The following ELAPOR1 variants were observed in gnomAD, a reference collection of about 807,000 sequenced individuals.
ELAPOR1 encodes the protein endosome-lysosome associated apoptosis and autophagy regulator 1.
Under a neutral mutation model 119.7 loss-of-function variants are expected in ELAPOR1, and 77 were observed. That is an observed-to-expected ratio of 0.64 (90% confidence interval 0.54 to 0.78). The LOEUF (loss-of-function observed/expected upper bound fraction) is 0.78. Among genes scored for constraint, ELAPOR1 ranks in the 30% least tolerant of loss-of-function variants. ELAPOR1 has a pLI of 0.00. For missense variants in ELAPOR1, 1,115 were observed against 1,270.4 expected (o/e 0.88, Z 1.86); for synonymous variants, 481 against 487.2 (o/e 0.99, Z 0.17).
intron 1 of ELAPOR1, among the ~76,000 whole-genome samples, chr1:109,135,654 C>G (rs1208444943): frequency 6.6e-6 from 1 of 152,158 alleles, no homozygotes; most frequent in East Asian, 1.9e-4. Flanking sequence ...ATGGAAAGTA[C>G]AAGAGCTTTG....
chr1:109,190,784 C>T (rs547843382), intron 11 of ELAPOR1, among the ~76,000 whole-genome samples: 5 of 152,328 alleles, frequency 3.3e-5, no homozygotes, highest in African/African-American at 9.6e-5. Flanking sequence ...CTCTCTTTCC[C>T]AAAAGTAGGA....
intron 14 of ELAPOR1, 77 bp downstream of exon 14, chr1:109,192,951 G>C: frequency 6.6e-7 from 1 of 1,516,648 alleles, no homozygotes; most frequent in Non-Finnish European, 8.9e-7. Flanking sequence ...TCCTGGGTAG[G>C]GTTCTTGAGA....
intron 8 of ELAPOR1, chr1:109,187,875 G>T: frequency 3.7e-6 from 4 of 1,092,720 alleles, no homozygotes; most frequent in South Asian, 4.4e-5. Context: ...TTCTACAGTG[G>T]AATCGGAGCT....
At chr1:109,189,301 C>T (rs889406134) in intron 10 of ELAPOR1, 107 bp downstream of exon 10, 55 of 1,347,758 alleles carry the variant, frequency 4.1e-5, no homozygotes, top group Non-Finnish European at 5.1e-6. Flanking sequence ...ATAAGCTAAC[C>T]ATGTCATGCA....
At chr1:109,137,272 C>A (rs1182421169) in intron 1 of ELAPOR1, among the ~76,000 whole-genome samples, 1 of 151,642 alleles carries the variant, frequency 6.6e-6, no homozygotes, top group African/African-American at 2.4e-5. Flanking sequence ...GGTGTGATCT[C>A]GGCTCACTGC....
At chr1:109,137,094 G>A (rs1389241644) in intron 1 of ELAPOR1, among the ~76,000 whole-genome samples, 2 of 152,152 alleles carry the variant, frequency 1.3e-5, no homozygotes, top group African/African-American at 4.8e-5. Context: ...TAAGGGAGCA[G>A]GTATAATGCC....
At position 109,177,065 on chromosome 1, in the gene ELAPOR1, T is replaced by C. The variant is rs1261221791; in HGVS notation, c.952+3228T>C. Among the ~76,000 whole-genome samples, 3 of 144,976 alleles carry C rather than the reference T, an allele frequency of 2.1e-5. No homozygotes were observed. The East Asian group carries it at 6.0e-4, about 29-fold the overall frequency. On this transcript the variant is annotated intron_variant, in intron 7 of 21. Transcript: ENST00000369939. ...AATCTTTTCCCCACCTTTCCCCCCT[T>C]TCTATTCCACAAAACCGCCATTGTC...
At chr1:109,166,889 G>A (rs937276544) in intron 3 of ELAPOR1, among the ~76,000 whole-genome samples, 1 of 152,198 alleles carries the variant, frequency 6.6e-6, no homozygotes, top group African/African-American at 2.4e-5. Flanking sequence ...CTCAAGAATT[G>A]TATTACACTT....
intron 1 of ELAPOR1, among the ~76,000 whole-genome samples, chr1:109,129,233 G>A (rs1648985073): frequency 6.6e-6 from 1 of 152,150 alleles, no homozygotes; most frequent in South Asian, 2.1e-4. Context: ...CTTTGGCCTG[G>A]GAGCGGTGGC....
chr1:109,169,097 T>C (rs1369265064), intron 3 of ELAPOR1, among the ~76,000 whole-genome samples: 2 of 152,192 alleles, frequency 1.3e-5, no homozygotes, highest in Non-Finnish European at 2.9e-5. Flanking sequence ...GCTGTTAGGT[T>C]AGCTGGGATA....
intron 1 of ELAPOR1, among the ~76,000 whole-genome samples, chr1:109,121,549 C>A (rs1648420269): frequency 6.6e-6 from 1 of 152,166 alleles, no homozygotes; most frequent in Non-Finnish European, 1.5e-5. Context: ...CTCGTGGCCT[C>A]AAAGGATTCT....
At position 109,198,076 on chromosome 1, in the gene ELAPOR1, G is replaced by A. The variant is rs1196225977; in HGVS notation, c.2399+1G>A. ...TACCGGACGTGATCTTCTTTTATAGGTGAAGATGAGAGGCTAGGCTAATGC... is the reference window on the plus strand; with the variant it reads ...TACCGGACGTGATCTTCTTTTATAGATGAAGATGAGAGGCTAGGCTAATGC... On this transcript the variant is annotated splice_donor_variant, in intron 17 of 21. Coordinates refer to ENST00000369939, the MANE Select transcript of ELAPOR1 (RefSeq NM_020775.5). LOFTEE classifies it high-confidence loss of function. 1 of 1,607,882 alleles carries A rather than the reference G, an allele frequency of 6.2e-7. No homozygotes were observed. Among genetic ancestry groups the A allele is most frequent in the Non-Finnish European group, 8.5e-7 (1 of 1,174,356 alleles).
intron 1 of ELAPOR1, among the ~76,000 whole-genome samples, chr1:109,128,412 G>A (rs1421217084): frequency 6.6e-6 from 1 of 152,178 alleles, no homozygotes; most frequent in African/African-American, 2.4e-5. Flanking sequence ...TTTTGTGCTT[G>A]AAATCAATTA....
Position 109,198,083 on chromosome 1 carries a change from T to G in ELAPOR1, c.2399+8T>G. The G allele has an allele frequency of 1.2e-6, 2 of 1,607,712 alleles. No individual in the cohort carries two copies. Among genetic ancestry groups the G allele is most frequent in the Non-Finnish European group, 1.7e-6 (2 of 1,174,136 alleles). ...CGTGATCTTCTTTTATAGGTGAAGA[T>G]GAGAGGCTAGGCTAATGCAAGTGAA... is the stretch of plus-strand genomic sequence containing the variant. On this transcript the variant is annotated splice_region_variant and intron_variant, in intron 17 of 21. Coordinates refer to ENST00000369939, the MANE Select transcript of ELAPOR1 (RefSeq NM_020775.5).
At chr1:109,143,621 T>TA (rs1267768324) in intron 1 of ELAPOR1, among the ~76,000 whole-genome samples, 7 of 152,228 alleles carry the variant, frequency 4.6e-5, no homozygotes, top group Non-Finnish European at 1.5e-5. Flanking sequence ...ATACGATTTT[T>TA]ATCTCAATTT....
At position 109,197,615 on chromosome 1, in the gene ELAPOR1, G is replaced by A. The variant is rs570153924; in HGVS notation, c.2263G>A (p.Val755Ile). The A allele has an allele frequency of 1.2e-6, 2 of 1,614,184 alleles. No individual in the cohort carries two copies. Among genetic ancestry groups the A allele is most frequent in the East Asian group, 2.2e-5 (1 of 44,886 alleles). ...PPEVTGYKAG[V>I]SSQPVSLADR... ...AGAGGTGACAGGCTACAAGGCCGGG[G>A]TTTCCTCACAGCCTGTCAGCCTTGC... Residue 755 changes from valine to isoleucine, a missense_variant, in exon 16 of 22, where the codon GTT becomes ATT. By Grantham distance (29) the Val-to-Ile change is conservative (BLOSUM62 3). Coordinates refer to ENST00000369939, the MANE Select transcript of ELAPOR1 (RefSeq NM_020775.5).
At chr1:109,127,594 G>A (rs529740072) in intron 1 of ELAPOR1, among the ~76,000 whole-genome samples, 61 of 151,850 alleles carry the variant, frequency 4.0e-4, no homozygotes, top group Admixed American at 2.2e-3. Flanking sequence ...TTGAGACAGC[G>A]TCCTACTCTT....
chr1:109,146,741 T>C (rs1650202331), intron 1 of ELAPOR1, among the ~76,000 whole-genome samples: 1 of 152,116 alleles, frequency 6.6e-6, no homozygotes, highest in Non-Finnish European at 1.5e-5. Context: ...AAACTAATAT[T>C]ATTACTATTA....
intron 1 of ELAPOR1, among the ~76,000 whole-genome samples, chr1:109,130,174 T>C (rs1404919306): frequency 6.6e-6 from 1 of 152,192 alleles, no homozygotes; most frequent in Non-Finnish European, 1.5e-5. Context: ...CTTGACTAAC[T>C]ATATCTGCAA....
Sources: gnomAD v4.1 joint callset for allele counts (sites outside exome capture counted in the v4.1 genomes callset) on GRCh38, gnomAD v4.1.1 for gene constraint, MANE v1.5 for transcripts, NCBI Gene and HGNC (gene_info 2026-07-23, HGNC 2026-07-21) for gene names.